The following CDH23 variants were observed in gnomAD, a reference collection of about 807,000 sequenced individuals.
CDH23 encodes cadherin related 23.
Under a neutral mutation model 317.1 loss-of-function variants are expected in CDH23, and 189 were observed. The ratio of observed to expected loss-of-function variants is 0.60; its 90% CI spans 0.53 to 0.67. The LOEUF is 0.67. CDH23 is among the 30% of genes least tolerant of loss of function. The pLI is 0.00. For synonymous variants in CDH23, 1,839 were observed against 1,876.8 expected, an observed-to-expected ratio of 0.98 and a Z score of 0.52; for missense variants, 4,401 against 4,592.4, an observed-to-expected ratio of 0.96 and a Z score of 1.20.
At chr10:71,621,446 G>A (rs1186348768) in intron 11 of CDH23, among the ~76,000 whole-genome samples, 1 of 152,178 alleles carries the variant, frequency 6.6e-6, no homozygotes, top group African/African-American at 2.4e-5. Flanking sequence ...GCTTAGTTTG[G>A]CTCACCAGTG....
intron 8 of CDH23, among the ~76,000 whole-genome samples, chr10:71,576,800 A>G (rs1043835737): frequency 6.6e-6 from 1 of 152,140 alleles, no homozygotes; most frequent in African/African-American, 2.4e-5. Flanking sequence ...GGTGGCGGTG[A>G]CCTTCCACCC....
At chr10:71,568,371 A>T (rs546870007) in intron 7 of CDH23, among the ~76,000 whole-genome samples, 1 of 152,324 alleles carries the variant, frequency 6.6e-6, no homozygotes, top group South Asian at 2.1e-4. Flanking sequence ...ACCAGGGCCC[A>T]GAAACACGCA....
rs74147038 is a variant in CDH23 at position 71,722,071 on chromosome 10, A to G, written c.3370-1974A>G. Reference sequence around the variant, plus strand: ...AGGAACCCATCCCCATCTTCTCTGCAGTTTTGTCCAGTGAGCAACGATAGG... The same window carrying G: ...AGGAACCCATCCCCATCTTCTCTGCGGTTTTGTCCAGTGAGCAACGATAGG... On this transcript the variant is annotated intron_variant, in intron 28 of 69. Transcript: ENST00000224721. Among the ~76,000 whole-genome samples, 145 of 152,308 alleles carry G rather than the reference A, an allele frequency of 9.5e-4. 1 individual carries two copies. Among genetic ancestry groups the G allele is most frequent in the African/African-American group, 3.4e-3 (142 of 41,564 alleles).
At chr10:71,765,607 G>A (rs1483928610) in intron 38 of CDH23, among the ~76,000 whole-genome samples, 2 of 152,170 alleles carry the variant, frequency 1.3e-5, no homozygotes, top group Non-Finnish European at 2.9e-5. Flanking sequence ...GTAGGGAAGG[G>A]ATGTTCTCCC....
chr10:71,583,366 T>TG (rs1249006248), intron 9 of CDH23, among the ~76,000 whole-genome samples: 2 of 144,860 alleles, frequency 1.4e-5, no homozygotes, highest in South Asian at 2.2e-4. Context: ...GGGGGCCACC[T>TG]GGGGGGTCTT....
intron 14 of CDH23, among the ~76,000 whole-genome samples, chr10:71,657,615 G>A (rs1863472386): frequency 6.6e-6 from 1 of 152,166 alleles, no homozygotes; most frequent in African/African-American, 2.4e-5. Context: ...GTCAGAGCAG[G>A]GTAGACAGCC....
At chr10:71,529,706 C>A (rs1855249693) in intron 6 of CDH23, among the ~76,000 whole-genome samples, 1 of 152,136 alleles carries the variant, frequency 6.6e-6, no homozygotes, top group South Asian at 2.1e-4. Flanking sequence ...CACACTCATA[C>A]TTTAAGACTG....
chr10:71,584,236 T>C (rs944434470), intron 9 of CDH23, among the ~76,000 whole-genome samples: 1 of 152,098 alleles, frequency 6.6e-6, no homozygotes, highest in African/African-American at 2.4e-5. Context: ...AGCAATTACG[T>C]AAAAATGTCT....
chr10:71,593,489 A>G (rs1161232461), intron 9 of CDH23, among the ~76,000 whole-genome samples: 1 of 152,242 alleles, frequency 6.6e-6, no homozygotes, highest in Non-Finnish European at 1.5e-5. Context: ...AGGAGTTCCA[A>G]TTCAATCAGA....
intron 3 of CDH23, among the ~76,000 whole-genome samples, chr10:71,477,307 T>C (rs1851843117): frequency 6.6e-6 from 1 of 152,226 alleles, no homozygotes; most frequent in African/African-American, 2.4e-5. Flanking sequence ...CAGATGGGAT[T>C]ACAGGCACCT....
At chr10:71,725,311 C>T in intron 29 of CDH23, 61 bp from the exon 30 acceptor site, 1 of 1,611,756 alleles carries the variant, frequency 6.2e-7, no homozygotes, top group East Asian at 2.2e-5. Context: ...CATGGCAGGC[C>T]AGCACAGCAG....
chr10:71,643,441 T>C (rs568686442), intron 11 of CDH23, among the ~76,000 whole-genome samples: 1 of 152,212 alleles, frequency 6.6e-6, no homozygotes, highest in Non-Finnish European at 1.5e-5. Context: ...GGTTGTTTCC[T>C]GCAGGGATTT....
At chr10:71,737,771 A>C in intron 34 of CDH23, 1 of 470,068 alleles carries the variant, frequency 2.1e-6, no homozygotes, top group Non-Finnish European at 4.4e-6. Context: ...CGTGGACTGG[A>C]GGCCTCACCC....
At chr10:71,541,827 T>C (rs1235922749) in intron 6 of CDH23, among the ~76,000 whole-genome samples, 2 of 152,246 alleles carry the variant, frequency 1.3e-5, no homozygotes, top group Admixed American at 6.5e-5. Context: ...GGACAACGTG[T>C]TCCAATACAA....
chr10:71,604,145 G>A (rs1270869961), intron 9 of CDH23, among the ~76,000 whole-genome samples: 1 of 152,142 alleles, frequency 6.6e-6, no homozygotes, highest in Non-Finnish European at 1.5e-5. Flanking sequence ...GGCCAGGCAT[G>A]GTGGCTCATG....
intron 38 of CDH23, 145 bp from the exon 39 acceptor site, chr10:71,777,535 G>C: frequency 2.9e-6 from 2 of 699,476 alleles, no homozygotes; most frequent in East Asian, 5.4e-5. Flanking sequence ...CTCTCTACCA[G>C]CCTGTGACCC....
rs778451653 is a variant in CDH23, at chr10:71,706,945, A to G, written c.3002A>G (p.Asn1001Ser). 1 of 1,607,730 alleles carries G rather than the reference A, an allele frequency of 6.2e-7. No homozygotes were observed. Among genetic ancestry groups the G allele is most frequent in the East Asian group, 2.2e-5 (1 of 44,594 alleles). Residue 1001 changes from asparagine to serine, a missense_variant, in exon 26 of 70, where the codon AAT (asparagine) becomes AGT (serine). Around this residue, in one of 3 missense-constraint regions of CDH23, gnomAD observed 3,068 missense variants for 3,203.3 expected, o/e 0.96. Transcript: ENST00000224721. Reference protein sequence around the residue: ...ETPTFFPAVYNVSVSEDVPRE... With the variant: ...ETPTFFPAVYSVSVSEDVPRE... ...CCCACCTTCTTCCCGGCCGTGTACA[A>G]TGTGTCTGTGTCCGAGGACGTGCCA...
chr10:71,708,188 G>A (rs1022182072), intron 26 of CDH23, among the ~76,000 whole-genome samples: 1 of 152,162 alleles, frequency 6.6e-6, no homozygotes, highest in Non-Finnish European at 1.5e-5. Flanking sequence ...TGGAGGTTTG[G>A]GGGTCAGGAG....
At chr10:71,518,387 A>G (rs1293246280) in intron 6 of CDH23, among the ~76,000 whole-genome samples, 1 of 152,246 alleles carries the variant, frequency 6.6e-6, no homozygotes, top group Non-Finnish European at 1.5e-5. Context: ...AATAAGTTGC[A>G]GGGCTGAGGC....
Sources: gnomAD v4.1 joint callset for allele counts (sites outside exome capture counted in the v4.1 genomes callset) on GRCh38, gnomAD v4.1.1 for gene constraint, gnomAD v4.1.1 regional missense constraint, MANE v1.5 for transcripts, NCBI Gene and HGNC (gene_info 2026-07-23, HGNC 2026-07-21) for gene names.